SLC22A25: variants seen among roughly 807,000 people sequenced by gnomAD.
SLC22A25 encodes solute carrier family 22 member 25.
A neutral mutation model predicts 45.9 loss-of-function variants in SLC22A25; 44 were observed. That is an observed-to-expected ratio of 0.96 (90% CI 0.75 to 1.23). SLC22A25 has a LOEUF of 1.23. SLC22A25 is among the 50% of genes most tolerant of loss of function. SLC22A25 has a pLI of 0.00. For missense variants in SLC22A25, 800 were observed against 666.4 expected, an observed-to-expected ratio of 1.20 and a Z score of -2.21; for synonymous variants, 283 against 238.6, an observed-to-expected ratio of 1.19 and a Z score of -1.72.
chr11:63,177,595 C>T (rs2088139357), intron 9 of SLC22A25, among the ~76,000 whole-genome samples: 1 of 151,780 alleles, frequency 6.6e-6, no homozygotes, highest in South Asian at 2.1e-4. Context: ...GCCACCATTT[C>T]ACTTATTACC....
At chr11:63,180,568 T>A (rs2088281126) in intron 9 of SLC22A25, 92 bp downstream of exon 9, 2 of 876,824 alleles carry the variant, frequency 2.3e-6, no homozygotes, top group East Asian at 5.2e-5. Flanking sequence ...ATCCCCCAAA[T>A]ATTTTCCTTC....
At chr11:63,224,059 A>C (rs1177363043) in intron 5 of SLC22A25, among the ~76,000 whole-genome samples, 1 of 152,106 alleles carries the variant, frequency 6.6e-6, no homozygotes, top group Non-Finnish European at 1.5e-5. Flanking sequence ...TGGGGTGTTG[A>C]AATCTCCAGC....
chr11:63,186,395 GT>G (rs1190121804), intron 7 of SLC22A25, among the ~76,000 whole-genome samples: 3 of 150,670 alleles, frequency 2.0e-5, no homozygotes, highest in Admixed American at 6.6e-5. Flanking sequence ...GGGATTGTTT[GT>G]TTTTTTCTTG....
At chr11:63,233,332 A>G (rs1392464100) in intron 3 of SLC22A25, among the ~76,000 whole-genome samples, 4 of 152,186 alleles carry the variant, frequency 2.6e-5, no homozygotes, top group African/African-American at 9.7e-5. Context: ...CAGGCTATTC[A>G]GAGATTCAAC....
Position 63,217,752 on chromosome 11 carries a change from C to T in SLC22A25, c.507-17G>A. 1 of 1,591,268 alleles carries T rather than the reference C, an allele frequency of 6.3e-7. No individual in the cohort carries two copies. The highest frequency in any genetic ancestry group is 8.5e-7 in the Non-Finnish European group (1 of 1,172,580). Reference sequence around the variant, plus strand: ...CTCCCAAACCTGAGAAACAGGGGCACATTAGATAATGGGAACAATAACAAC... The same window carrying T: ...CTCCCAAACCTGAGAAACAGGGGCATATTAGATAATGGGAACAATAACAAC... On this transcript the variant is annotated splice_polypyrimidine_tract_variant and intron_variant, in intron 5 of 11. Transcript: ENST00000306494.
chr11:63,223,712 C>T (rs890020911), intron 5 of SLC22A25, among the ~76,000 whole-genome samples: 3 of 151,548 alleles, frequency 2.0e-5, no homozygotes, highest in Admixed American at 6.6e-5. Flanking sequence ...TTATGTTGTT[C>T]GTTTGAAATT....
intron 3 of SLC22A25, among the ~76,000 whole-genome samples, chr11:63,236,305 C>G (rs2090162615): frequency 6.6e-6 from 1 of 152,174 alleles, no homozygotes; most frequent in African/African-American, 2.4e-5. Context: ...TTCGAGCTTC[C>G]CGGCAGCTTT....
rs150387390 is a variant in SLC22A25, at chr11:63,162,075, A to T, written c.*1749T>A. 3.0e-4 allele frequency among the ~76,000 whole-genome samples: 46 copies of T among 152,268 alleles called. No individual in the cohort carries two copies. Among genetic ancestry groups the T allele is most frequent in the African/African-American group, 1.1e-3 (44 of 41,552 alleles). On this transcript the variant is annotated 3_prime_UTR_variant, in exon 12 of 12. Coordinates refer to ENST00000306494, the MANE Select transcript of SLC22A25 (RefSeq NM_199352.6). ...TTTGACATCTGTATGTCTTCTTTTG[A>T]GAAATACCTATTCACGTTGCCCATT...
At chr11:63,228,672 T>A in intron 4 of SLC22A25, 108 bp from the exon 5 acceptor site, 1 of 781,420 alleles carries the variant, frequency 1.3e-6, no homozygotes, top group South Asian at 1.8e-5. Flanking sequence ...CTCCCTAGCT[T>A]CCCTTTTCTG....
At position 63,217,827 on chromosome 11, in the gene SLC22A25, G is replaced by T; in HGVS notation, c.507-92C>A. 7 of 1,423,546 alleles carry T rather than the reference G, an allele frequency of 4.9e-6. No individual in the cohort carries two copies. In the South Asian group the frequency reaches 8.6e-5, roughly 17 times the overall value. 88.2% of individuals were successfully genotyped at this position (1,423,546 alleles called of 1,614,324 possible). A position where few individuals can be genotyped will look rare whatever the true frequency, so the allele number is the denominator to read the frequency against. ...AAGCACACTTTGAAACTTAAAGGAT[G>T]TTTAACAAGTGAAACTTTACACTTA... On this transcript the variant is annotated intron_variant, in intron 5 of 11. Transcript: ENST00000306494.
chr11:63,166,133 G>GC lies in SLC22A25; in HGVS notation c.1195dup (p.Ala399GlyfsTer60), dbSNP rs1157378052. 1 of 1,614,008 alleles carries GC rather than the reference G, an allele frequency of 6.2e-7. No homozygotes were observed. On this transcript the variant is annotated frameshift_variant, in exon 10 of 12. Coordinates refer to ENST00000306494, the MANE Select transcript of SLC22A25 (RefSeq NM_199352.6). LOFTEE classifies it high-confidence loss of function. ...TAGTCGACGGCTCATGTGATTCAGTGCCCAAGGTGCAACACAATTGGCCAG... is the reference window on the plus strand; with the variant it reads ...TAGTCGACGGCTCATGTGATTCAGTGCCCCAAGGTGCAACACAATTGGCCAG...
At position 63,200,920 on chromosome 11, in the gene SLC22A25, G is replaced by T. The variant is rs374722677; in HGVS notation, c.830+16394C>A. On this transcript the variant is annotated intron_variant, in intron 7 of 11. Transcript: ENST00000306494. ...CACCCATTCACAATTGCCACAAAAA[G>T]AATAAAATGCCTAGGAATACAGCTA... Among the ~76,000 whole-genome samples, 3 of 152,164 alleles carry T rather than the reference G, an allele frequency of 2.0e-5. No homozygotes were observed. In the East Asian group the frequency reaches 5.8e-4, roughly 29 times the overall value.
rs531548985 is a variant in SLC22A25, at chr11:63,236,372, C to T, written c.-445+1509G>A. 1.2e-4 allele frequency among the ~76,000 whole-genome samples: 19 copies of T among 152,316 alleles called. No individual in the cohort carries two copies. In the South Asian group the frequency reaches 2.1e-3, roughly 17 times the overall value. ...CACCCCTCCCCCAGCCTTGCTGCCACCTTGCAGTTTGATCTCAGACTGCTG... is the reference window on the plus strand; with the variant it reads ...CACCCCTCCCCCAGCCTTGCTGCCATCTTGCAGTTTGATCTCAGACTGCTG... On this transcript the variant is annotated intron_variant, in intron 3 of 11. Transcript: ENST00000306494.
chr11:63,178,678 GTTGT>G (rs2088207984), intron 9 of SLC22A25, among the ~76,000 whole-genome samples: 1 of 151,854 alleles, frequency 6.6e-6, no homozygotes, highest in Non-Finnish European at 1.5e-5. Context: ...TTGCTACTGA[GTTGT>G]TTATGTTCCT....
intron 7 of SLC22A25, among the ~76,000 whole-genome samples, chr11:63,200,029 A>G (rs1298058848): frequency 6.6e-6 from 1 of 152,070 alleles, no homozygotes; most frequent in African/African-American, 2.4e-5. Context: ...TAACAACCAA[A>G]AAAAGCCCAG....
At chr11:63,228,110 G>C (rs1452893686) in intron 5 of SLC22A25, among the ~76,000 whole-genome samples, 2 of 152,176 alleles carry the variant, frequency 1.3e-5, no homozygotes, top group Non-Finnish European at 1.5e-5. Context: ...TTCTTATGAA[G>C]GTGCATTTTT....
chr11:63,239,972 T>C (rs564448220), intron 1 of SLC22A25, among the ~76,000 whole-genome samples: 1 of 152,280 alleles, frequency 6.6e-6, no homozygotes, highest in Admixed American at 6.5e-5. Context: ...CTCTGAGAAA[T>C]GCATTATTAT....
intron 7 of SLC22A25, among the ~76,000 whole-genome samples, chr11:63,186,205 G>T (rs2088536886): frequency 7.9e-6 from 1 of 126,910 alleles, no homozygotes; most frequent in East Asian, 2.3e-4. Flanking sequence ...TCCAGCACCT[G>T]TTGTTTCCTG....
Position 63,163,989 on chromosome 11 carries a change from A to G in SLC22A25, c.1479T>C (p.Ser493=). The change falls in exon 12 of 12, where the codon TCT becomes TCC. Residue 493 remains serine (S), a synonymous_variant. Transcript: ENST00000306494. ...ASLMMILSIY[S]RPLPWIIYGV... is the part of the protein sequence containing the mutation. ...CATAGATGATCCAGGGCAGGGGTCG[A>G]GAATATATGCTTAGGATCATCATGA... is the stretch of plus-strand genomic sequence containing the variant. 1 of 1,613,940 alleles carries G rather than the reference A, an allele frequency of 6.2e-7. No homozygotes were observed. Among genetic ancestry groups the G allele is most frequent in the Non-Finnish European group, 8.5e-7 (1 of 1,179,874 alleles).
Sources: gnomAD v4.1 joint callset for allele counts (sites outside exome capture counted in the v4.1 genomes callset) on GRCh38, gnomAD v4.1.1 for gene constraint, MANE v1.5 for transcripts, NCBI Gene and HGNC (gene_info 2026-07-23, HGNC 2026-07-21) for gene names.